Variants in FANK1 observed in about 807,000 individuals in gnomAD.
FANK1 encodes the protein fibronectin type 3 and ankyrin repeat domains protein 1.
FANK1 carries 44 observed loss-of-function variants against 45.3 expected under a neutral mutation model. That is an observed-to-expected ratio of 0.97 (90% CI 0.76 to 1.25). The LOEUF (loss-of-function observed/expected upper bound fraction) is 1.25, where lower values mean the gene tolerates loss of function less well. Among genes scored for constraint, FANK1 ranks in the 50% most tolerant of loss-of-function variants. FANK1 has a pLI of 0.00. For synonymous variants in FANK1, 149 were observed against 152.5 expected (o/e 0.98, Z 0.17); for missense variants, 391 against 424.4 (o/e 0.92, Z 0.69).
chr10:125,969,627 T>A (rs536997798), intron 1 of FANK1, among the ~76,000 whole-genome samples: 105 of 152,304 alleles, frequency 6.9e-4, no homozygotes, highest in South Asian at 1.0e-3. Flanking sequence ...TCTTTTTTTT[T>A]AAATTTTTTT....
At chr10:125,954,873 A>T (rs955257551) in intron 1 of FANK1, among the ~76,000 whole-genome samples, 1 of 152,156 alleles carries the variant, frequency 6.6e-6, no homozygotes, top group Non-Finnish European at 1.5e-5. Context: ...GCGAGCCAAG[A>T]TTGTGCCACT....
intron 1 of FANK1, among the ~76,000 whole-genome samples, chr10:125,922,097 C>T (rs1946984545): frequency 6.6e-6 from 1 of 152,104 alleles, no homozygotes; most frequent in South Asian, 2.1e-4. Context: ...CCTGTAAGCA[C>T]ATATTTTGAT....
rs1435940652 is a variant in FANK1, at chr10:126,009,519, C to G, written c.*81C>G. On this transcript the variant is annotated 3_prime_UTR_variant, in exon 11 of 11. Transcript: ENST00000368693. Reference sequence around the variant, plus strand: ...AAACTAGGGATGGGAAATTCTGCATCTTGGGGGGCTGTACATTTATTTATT... The same window carrying G: ...AAACTAGGGATGGGAAATTCTGCATGTTGGGGGGCTGTACATTTATTTATT... 4 of 1,419,322 alleles carry G rather than the reference C, an allele frequency of 2.8e-6. No homozygotes were observed. Among genetic ancestry groups the G allele is most frequent in the Non-Finnish European group, 3.9e-6 (4 of 1,020,472 alleles). 87.9% of individuals were successfully genotyped at this position (1,419,322 alleles called of 1,614,324 possible). A position where few individuals can be genotyped will look rare whatever the true frequency, so the allele number is the denominator to read the frequency against.
intron 1 of FANK1, among the ~76,000 whole-genome samples, chr10:125,908,697 AAAG>A (rs1348589710): frequency 2.6e-5 from 4 of 152,086 alleles, no homozygotes; most frequent in Non-Finnish European, 5.9e-5. Flanking sequence ...AATCACCACT[AAAG>A]AACTTACTCA....
At chr10:125,970,273 G>A (rs1950420942) in intron 1 of FANK1, among the ~76,000 whole-genome samples, 1 of 152,012 alleles carries the variant, frequency 6.6e-6, no homozygotes, top group Non-Finnish European at 1.5e-5. Context: ...AGATGGGGCG[G>A]CTGCTGGGCG....
intron 2 of FANK1, among the ~76,000 whole-genome samples, chr10:125,986,434 T>C (rs1013307625): frequency 1.3e-5 from 2 of 152,194 alleles, no homozygotes; most frequent in African/African-American, 2.4e-5. Flanking sequence ...AGAAAGTCTT[T>C]GTAAATGTTT....
intron 1 of FANK1, among the ~76,000 whole-genome samples, chr10:125,920,699 C>A (rs1456597903): frequency 6.6e-6 from 1 of 152,184 alleles, no homozygotes; most frequent in Non-Finnish European, 1.5e-5. Flanking sequence ...CATCTCAGGG[C>A]AGCACATCGT....
At chr10:125,933,968 C>T (rs911444746) in intron 1 of FANK1, among the ~76,000 whole-genome samples, 5 of 152,120 alleles carry the variant, frequency 3.3e-5, no homozygotes, top group Admixed American at 1.3e-4. Context: ...AGTTGATTTT[C>T]GATTTTATTC....
chr10:125,990,459 A>T (rs974772444), intron 3 of FANK1, among the ~76,000 whole-genome samples: 2 of 152,232 alleles, frequency 1.3e-5, no homozygotes, highest in African/African-American at 4.8e-5. Context: ...CAGAATTAAG[A>T]GTATGAAAAG....
intron 6 of FANK1, among the ~76,000 whole-genome samples, chr10:126,002,007 C>A (rs1952794121): frequency 6.6e-6 from 1 of 151,954 alleles, no homozygotes. Context: ...AGAAAAGAGG[C>A]ATTATTTAAA....
At chr10:125,938,020 T>C (rs1948211377) in intron 1 of FANK1, among the ~76,000 whole-genome samples, 3 of 152,302 alleles carry the variant, frequency 2.0e-5, no homozygotes, top group South Asian at 2.1e-4. Flanking sequence ...CAGATATTCA[T>C]TGAACTTGTA....
chr10:125,942,034 A>G (rs1307656401), intron 1 of FANK1, among the ~76,000 whole-genome samples: 2 of 152,178 alleles, frequency 1.3e-5, no homozygotes, highest in Non-Finnish European at 1.5e-5. Context: ...TGTGCCTTTT[A>G]CATTTTATTA....
chr10:125,932,267 G>A (rs1024056885), intron 1 of FANK1, among the ~76,000 whole-genome samples: 3 of 152,056 alleles, frequency 2.0e-5, no homozygotes, highest in African/African-American at 7.2e-5. Context: ...TGGGCATTGT[G>A]TTGAATTTGT....
intron 1 of FANK1, among the ~76,000 whole-genome samples, chr10:125,978,055 C>A (rs1471762257): frequency 6.6e-6 from 1 of 151,740 alleles, no homozygotes; most frequent in Non-Finnish European, 1.5e-5. Context: ...GAGATATGGA[C>A]AAGTCTGCCC....
chr10:125,995,620 G>C (rs368550593), intron 4 of FANK1, 122 bp downstream of exon 4: 1 of 814,256 alleles, frequency 1.2e-6, no homozygotes, highest in Admixed American at 2.0e-5. Context: ...CTCCAAAATG[G>C]ATCTCAGGTG....
intron 6 of FANK1, chr10:126,004,223 T>C (rs1953004803): frequency 6.6e-6 from 1 of 150,830 alleles, no homozygotes; most frequent in African/African-American, 2.4e-5. Context: ...GAGTAAGAAA[T>C]TGGTTTGATA....
At chr10:125,955,146 C>CAGGAT (rs1949499426) in intron 1 of FANK1, among the ~76,000 whole-genome samples, 1 of 150,530 alleles carries the variant, frequency 6.6e-6, no homozygotes, top group African/African-American at 2.5e-5. Context: ...GGTACATGTG[C>CAGGAT]AGGATGTGTA....
chr10:125,984,116 G>A (rs1252030859), intron 2 of FANK1, among the ~76,000 whole-genome samples: 1 of 152,190 alleles, frequency 6.6e-6, no homozygotes, highest in Non-Finnish European at 1.5e-5. Context: ...GCCCAGTGAT[G>A]CTGCTGGAAG....
chr10:125,908,101 A>G (rs1035666927), intron 1 of FANK1, among the ~76,000 whole-genome samples: 4 of 151,396 alleles, frequency 2.6e-5, no homozygotes, highest in Admixed American at 1.3e-4. Flanking sequence ...GGTTCAAGCA[A>G]TTCTCCTGCC....
Sources: gnomAD v4.1 joint callset for allele counts (sites outside exome capture counted in the v4.1 genomes callset) on GRCh38, gnomAD v4.1.1 for gene constraint, MANE v1.5 for transcripts, NCBI Gene and HGNC (gene_info 2026-07-23, HGNC 2026-07-21) for gene names.